The following HELZ variants were observed in gnomAD, a reference collection of about 807,000 sequenced individuals.
HELZ encodes ATP-dependent RNA helicase with zinc finger domain.
A neutral mutation model predicts 218.2 loss-of-function variants in HELZ; 23 were observed. The ratio of observed to expected loss-of-function variants is 0.11; its 90% CI spans 0.08 to 0.15. The LOEUF is 0.15. HELZ is among the 10% of genes least tolerant of loss of function. The pLI, the probability that HELZ is intolerant of heterozygous loss-of-function variation, is 1.00. For missense variants in HELZ, 1,813 were observed against 2,353.7 expected (o/e 0.77, Z 4.75); for synonymous variants, 814 against 829.4 (o/e 0.98, Z 0.32).
intron 12 of HELZ, among the ~76,000 whole-genome samples, chr17:67,184,943 G>A (rs937382066): frequency 2.0e-5 from 3 of 151,736 alleles, no homozygotes; most frequent in Non-Finnish European, 2.9e-5. Flanking sequence ...TAATATTTTC[G>A]AAACCATATG....
At chr17:67,092,960 T>C (rs1377550858) in intron 31 of HELZ, among the ~76,000 whole-genome samples, 2 of 151,232 alleles carry the variant, frequency 1.3e-5, no homozygotes, top group African/African-American at 2.4e-5. Context: ...AGAGCAAAAC[T>C]CTGTCTCATA....
chr17:67,124,343 T>C (rs2037715437), intron 24 of HELZ, among the ~76,000 whole-genome samples: 1 of 152,186 alleles, frequency 6.6e-6, no homozygotes, highest in Non-Finnish European at 1.5e-5. Context: ...AGAAATAGAA[T>C]TGCAGTTTCT....
In HELZ at chr17:67,108,502, T is replaced by C; in HGVS notation, c.4714A>G (p.Thr1572Ala). Residue 1572 changes from threonine (T) to alanine (A), a missense_variant, in exon 30 of 33, where the codon ACA becomes GCA. Transcript: ENST00000358691. This position sits in a 1 kb window ranked among gnomAD's most constrained non-coding sequence, Gnocchi z 4.1. ...AGTCCGCTGGAATACCTTGAGTATG[T>C]GGTCTCCACTTCATCTTCGGCACTG... ...TSSAEDEVET[T>A]YSRFQDLIRE... 1 of 1,613,386 alleles carries C rather than the reference T, an allele frequency of 6.2e-7. No homozygotes were observed. The highest frequency in any genetic ancestry group is 8.5e-7 in the Non-Finnish European group (1 of 1,179,438).
intron 28 of HELZ, among the ~76,000 whole-genome samples, chr17:67,110,298 A>T (rs534862330): frequency 2.0e-4 from 31 of 151,436 alleles, no homozygotes; most frequent in African/African-American, 7.1e-4. Flanking sequence ...CAAACTCCTG[A>T]CCTCAGGTGA....
At chr17:67,215,010 G>A (rs1399237201) in intron 5 of HELZ, among the ~76,000 whole-genome samples, 1 of 152,112 alleles carries the variant, frequency 6.6e-6, no homozygotes, top group African/African-American at 2.4e-5. Context: ...TGGGTGTGGT[G>A]GCACACATCT....
chr17:67,118,238 A>G (rs1183044345), intron 27 of HELZ, among the ~76,000 whole-genome samples: 1 of 152,240 alleles, frequency 6.6e-6, no homozygotes. Context: ...CAAAGGTGCC[A>G]AGGCAGTTCA....
At chr17:67,223,719 T>A (rs558868411) in intron 3 of HELZ, among the ~76,000 whole-genome samples, 1 of 152,134 alleles carries the variant, frequency 6.6e-6, no homozygotes, top group East Asian at 1.9e-4. Context: ...GCCATTGCAC[T>A]CCAGCCTGGG....
chr17:67,149,983 A>G lies in HELZ; in HGVS notation c.2359T>C (p.Phe787Leu). ...YLCQLDLEPG[F>L]FTHILLDEAA... ...TCATCTAATAGAATGTGTGTAAAAA[A>G]CCCTAGAAAATGCAGCATAAACACA... Residue 787 changes from phenylalanine (F) to leucine (L), a missense_variant and splice_region_variant, in exon 19 of 33, where the codon TTT (phenylalanine) becomes CTT (leucine). Transcript: ENST00000358691. 1.3e-6 allele frequency: 2 copies of G among 1,599,104 alleles called. No homozygotes were observed. Among genetic ancestry groups the G allele is most frequent in the East Asian group, 2.2e-5 (1 of 44,538 alleles).
At chr17:67,218,552 T>C in intron 4 of HELZ, 43 bp downstream of exon 4, 1 of 1,466,112 alleles carries the variant, frequency 6.8e-7, no homozygotes, top group South Asian at 1.1e-5. Context: ...AAAAAGGCCA[T>C]TTTACATAGT....
intron 17 of HELZ, among the ~76,000 whole-genome samples, chr17:67,151,695 G>T (rs764879131): frequency 6.6e-6 from 1 of 152,126 alleles, no homozygotes; most frequent in African/African-American, 2.4e-5. Flanking sequence ...TTTTATTTTA[G>T]AATATATTCT....
chr17:67,182,342 G>A (rs551636082), intron 12 of HELZ, among the ~76,000 whole-genome samples: 8 of 152,258 alleles, frequency 5.3e-5, no homozygotes, highest in African/African-American at 1.7e-4. Context: ...CTACTCCAGA[G>A]GCTGAGGCAG....
At chr17:67,215,738 T>C (rs1036810359) in intron 5 of HELZ, 161 bp downstream of exon 5, 1 of 658,112 alleles carries the variant, frequency 1.5e-6, no homozygotes, top group African/African-American at 1.8e-5. Context: ...TTCACAGGTA[T>C]GCCCAGCTCA....
intron 23 of HELZ, among the ~76,000 whole-genome samples, chr17:67,130,200 T>C (rs952922393): frequency 6.6e-6 from 1 of 151,698 alleles, no homozygotes; most frequent in South Asian, 2.1e-4. Context: ...GGGAGAGGGG[T>C]AAGGAATGAA....
At chr17:67,165,802 T>C (rs2039126154) in intron 15 of HELZ, among the ~76,000 whole-genome samples, 1 of 152,222 alleles carries the variant, frequency 6.6e-6, no homozygotes, top group Non-Finnish European at 1.5e-5. Context: ...TCGTACTTCA[T>C]CCATTTTGAT....
intron 15 of HELZ, among the ~76,000 whole-genome samples, chr17:67,164,281 C>G (rs1215280609): frequency 1.3e-5 from 2 of 152,162 alleles, no homozygotes; most frequent in Admixed American, 1.3e-4. Context: ...ATGTCAGGCA[C>G]TCAATAAATA....
Position 67,201,243 on chromosome 17 carries a change from C to T in HELZ, c.373-58G>A, listed in dbSNP as rs2040161617. ...TTAGTATATTAATTCTTTACTATGGCAACTTAGCTCAATTCCTCTGTTGTT... is the reference window on the plus strand; with the variant it reads ...TTAGTATATTAATTCTTTACTATGGTAACTTAGCTCAATTCCTCTGTTGTT... On this transcript the variant is annotated intron_variant, in intron 6 of 32. Transcript: ENST00000358691. 4.7e-6 allele frequency: 5 copies of T among 1,072,014 alleles called. No individual in the cohort carries two copies. The South Asian group carries it at 6.8e-5, about 15-fold the overall frequency. The allele number at this position is 1,072,014 out of a possible 1,614,324, so 66.4% of individuals were successfully genotyped here. A position where few individuals can be genotyped will look rare whatever the true frequency, so the allele number is the denominator to read the frequency against.
At chr17:67,208,627 G>T (rs909622508) in intron 5 of HELZ, among the ~76,000 whole-genome samples, 3 of 152,038 alleles carry the variant, frequency 2.0e-5, no homozygotes, top group African/African-American at 7.2e-5. Flanking sequence ...ATTAAGAAAT[G>T]TTGTTAAGGC....
rs998387336 is a variant in HELZ, at chr17:67,166,474, G to T, written c.1895+4C>A. 1 of 1,605,586 alleles carries T rather than the reference G, an allele frequency of 6.2e-7. No individual in the cohort carries two copies. Among genetic ancestry groups the T allele is most frequent in the Non-Finnish European group, 8.5e-7 (1 of 1,175,274 alleles). On this transcript the variant is annotated splice_donor_region_variant and intron_variant, in intron 15 of 32. Coordinates refer to ENST00000358691, the MANE Select transcript of HELZ (RefSeq NM_014877.4). ...TCCTTTAATAAGATATCGCCTTTTT[G>T]TACCTGTTAGGACTCCATGGTATGG...
At chr17:67,245,076 T>TC in intron 1 of HELZ, 72 bp downstream of exon 1, 9 of 982,986 alleles carry the variant, frequency 9.2e-6, no homozygotes, top group Non-Finnish European at 1.1e-5. Flanking sequence ...GGGAGTCGGG[T>TC]CCCCTCCCCG....
Sources: gnomAD v4.1 joint callset for allele counts (sites outside exome capture counted in the v4.1 genomes callset) on GRCh38, gnomAD v4.1.1 for gene constraint, Gnocchi (gnomAD v3.1) non-coding constraint, MANE v1.5 for transcripts, NCBI Gene and HGNC (gene_info 2026-07-23, HGNC 2026-07-21) for gene names.